The following HDLBP variants were observed in gnomAD, a reference collection of about 807,000 sequenced individuals.
HDLBP encodes vigilin.
A neutral mutation model predicts 137.3 loss-of-function variants in HDLBP; 30 were observed. The ratio of observed to expected loss-of-function variants is 0.22; its 90% CI spans 0.16 to 0.30. The LOEUF is 0.30. Among genes scored for constraint, HDLBP ranks in the 10% least tolerant of loss-of-function variants. The probability of loss-of-function intolerance (pLI) is 1.00; values close to 1 mark genes in which losing one functional copy is unlikely to be tolerated. For missense variants in HDLBP, 1,119 were observed against 1,667.3 expected (o/e 0.67, Z 5.73); for synonymous variants, 606 against 596.0 (o/e 1.02, Z -0.24).
At chr2:241,286,260 C>G (rs1019905965) in intron 1 of HDLBP, among the ~76,000 whole-genome samples, 6 of 152,116 alleles carry the variant, frequency 3.9e-5, no homozygotes, top group Non-Finnish European at 8.8e-5. Context: ...TCAAAACCAA[C>G]ACAGGCAACA....
At chr2:241,253,183 T>C (rs907254953) in intron 10 of HDLBP, 148 bp from the exon 11 acceptor site, 33 of 671,842 alleles carry the variant, frequency 4.9e-5, no homozygotes, top group African/African-American at 2.3e-4. Context: ...CCCTGAAAGA[T>C]GCCTTCTTCA....
chr2:241,293,476 G>A (rs1194583159), intron 1 of HDLBP, among the ~76,000 whole-genome samples: 1 of 151,952 alleles, frequency 6.6e-6, no homozygotes, highest in East Asian at 1.9e-4. Flanking sequence ...CCCAGCCTGG[G>A]TGGCACGTGC....
At chr2:241,307,874 A>T (rs1312979124) in intron 1 of HDLBP, among the ~76,000 whole-genome samples, 11 of 141,334 alleles carry the variant, frequency 7.8e-5, no homozygotes, top group South Asian at 6.8e-4. Flanking sequence ...CCTTGAACTA[A>T]TTTTTTTTTT....
intron 20 of HDLBP, among the ~76,000 whole-genome samples, chr2:241,237,566 T>C (rs2070699055): frequency 6.6e-6 from 1 of 152,176 alleles, no homozygotes; most frequent in Non-Finnish European, 1.5e-5. Flanking sequence ...GGAGAAAAAC[T>C]GGCAAATTTG....
intron 1 of HDLBP, among the ~76,000 whole-genome samples, chr2:241,311,494 T>C (rs2075757281): frequency 6.6e-6 from 1 of 152,204 alleles, no homozygotes; most frequent in African/African-American, 2.4e-5. Flanking sequence ...TACAGGAAGA[T>C]TTCAGGCACA....
At chr2:241,259,520 A>ACAGGCTCTCG (rs201660985) in intron 5 of HDLBP, among the ~76,000 whole-genome samples, 1 of 72,358 alleles carries the variant, frequency 1.4e-5, no homozygotes, top group Non-Finnish European at 3.8e-5. Context: ...CTTTTCTGGG[A>ACAGGCTCTCG]CTCTGTCACC....
At chr2:241,280,139 C>G in intron 1 of HDLBP, 1 of 984,064 alleles carries the variant, frequency 1.0e-6, no homozygotes, top group Non-Finnish European at 1.2e-6. Flanking sequence ...CACTCCCATA[C>G]TGAGTGTGGT....
chr2:241,257,379 T>C (rs888276989), intron 5 of HDLBP, among the ~76,000 whole-genome samples: 1 of 152,110 alleles, frequency 6.6e-6, no homozygotes, highest in African/African-American at 2.4e-5. Flanking sequence ...ACTACAGGCG[T>C]GCGCCACCAT....
At chr2:241,294,527 A>G (rs539113190) in intron 1 of HDLBP, among the ~76,000 whole-genome samples, 1 of 152,148 alleles carries the variant, frequency 6.6e-6, no homozygotes, top group Non-Finnish European at 1.5e-5. Context: ...GTGATGCAAG[A>G]TAGCTCACTG....
intron 6 of HDLBP, 32 bp downstream of exon 6, chr2:241,256,568 G>T: frequency 1.2e-6 from 2 of 1,604,752 alleles, no homozygotes; most frequent in Non-Finnish European, 1.7e-6. Context: ...AAGCAGGTAG[G>T]CAGGGGCACG....
In HDLBP at chr2:241,287,188, G is replaced by A. The variant is rs182849457; in HGVS notation, c.-102-18647C>T. Among the ~76,000 whole-genome samples, 786 of 152,168 alleles carry A rather than the reference G, an allele frequency of 5.2e-3. 4 individuals are homozygous for A. Among genetic ancestry groups the A allele is most frequent in the African/African-American group, 0.018 (750 of 41,518 alleles). On this transcript the variant is annotated intron_variant, in intron 1 of 27. Coordinates refer to ENST00000310931, the MANE Select transcript of HDLBP (RefSeq NM_005336.6). The stretch of plus-strand genomic sequence containing the variant: ...TGCAGTGGCGTGATCTTGGCTCACC[G>A]AAACCTCCGCCTCCTGGGTTCAAGC...
intron 5 of HDLBP, 112 bp from the exon 6 acceptor site, chr2:241,256,918 G>T: frequency 1.2e-6 from 1 of 843,900 alleles, no homozygotes; most frequent in Non-Finnish European, 1.9e-6. Context: ...CTGCCCAGCA[G>T]CACCAACTCA....
Position 241,233,926 on chromosome 2 carries a change from G to C in HDLBP, c.3182C>G (p.Pro1061Arg). Residue 1061 changes from proline to arginine, a missense_variant, in exon 24 of 28, where the codon CCC becomes CGC. Physicochemically the swap from Pro to Arg is moderately radical, Grantham distance 103. Coordinates refer to ENST00000310931, the MANE Select transcript of HDLBP (RefSeq NM_005336.6). The surrounding 1 kb of genome is among the most constrained non-coding windows in gnomAD (Gnocchi z 4.3). ...RSFKLSVTVD[P>R]KYHPKIIGRK... Reference sequence around the variant, plus strand: ...CCCGATAATCTTGGGATGGTATTTGGGGTCTACAGTGACACTCAGCTTAAA... The same window carrying C: ...CCCGATAATCTTGGGATGGTATTTGCGGTCTACAGTGACACTCAGCTTAAA... 1 of 1,614,128 alleles carries C rather than the reference G, an allele frequency of 6.2e-7. No individual in the cohort carries two copies. Among genetic ancestry groups the C allele is most frequent in the Non-Finnish European group, 8.5e-7 (1 of 1,180,004 alleles).
intron 1 of HDLBP, among the ~76,000 whole-genome samples, chr2:241,307,314 T>G (rs1432617280): frequency 6.6e-6 from 1 of 152,230 alleles, no homozygotes; most frequent in Non-Finnish European, 1.5e-5. Context: ...CTCACGCCAC[T>G]TGCTGACTGT....
chr2:241,283,953 A>C (rs1431884633), intron 1 of HDLBP, among the ~76,000 whole-genome samples: 1 of 152,142 alleles, frequency 6.6e-6, no homozygotes. Flanking sequence ...AATGAAACAA[A>C]GCCTGGATGA....
At chr2:241,271,532 G>A (rs1278742734) in intron 1 of HDLBP, among the ~76,000 whole-genome samples, 1 of 152,174 alleles carries the variant, frequency 6.6e-6, no homozygotes, top group Non-Finnish European at 1.5e-5. Flanking sequence ...TTCACATGAG[G>A]GGTTCTACTT....
At chr2:241,291,640 A>G (rs2075016469) in intron 1 of HDLBP, among the ~76,000 whole-genome samples, 1 of 152,244 alleles carries the variant, frequency 6.6e-6, no homozygotes. Context: ...TCTTTAAATA[A>G]GAATAGAATT....
chr2:241,291,447 A>G (rs1481160163), intron 1 of HDLBP, among the ~76,000 whole-genome samples: 1 of 152,178 alleles, frequency 6.6e-6, no homozygotes, highest in African/African-American at 2.4e-5. Context: ...CCACGGGTTG[A>G]AGCACAATCA....
At chr2:241,298,333 T>A (rs1372549529) in intron 1 of HDLBP, among the ~76,000 whole-genome samples, 1 of 151,796 alleles carries the variant, frequency 6.6e-6, no homozygotes, top group Non-Finnish European at 1.5e-5. Context: ...GCCATTGCAC[T>A]CCTGCCTGGG....
Sources: gnomAD v4.1 joint callset for allele counts (sites outside exome capture counted in the v4.1 genomes callset) on GRCh38, gnomAD v4.1.1 for gene constraint, Gnocchi (gnomAD v3.1) non-coding constraint, MANE v1.5 for transcripts, NCBI Gene and HGNC (gene_info 2026-07-23, HGNC 2026-07-21) for gene names.